Variants in HDGFL2 observed in about 807,000 individuals in gnomAD.
The protein encoded by HDGFL2 is hepatoma-derived growth factor-related protein 2.
HDGFL2 carries 36 observed loss-of-function variants against 77.1 expected under a neutral mutation model. That is an observed-to-expected ratio of 0.47 (90% CI 0.36 to 0.62). The LOEUF is 0.62. Ranked by LOEUF, HDGFL2 falls within the 20% of genes least tolerant of loss-of-function variation. HDGFL2 has a pLI of 0.00. For synonymous variants in HDGFL2, 463 were observed against 413.1 expected (o/e 1.12, Z -1.46); for missense variants, 976 against 973.4 (o/e 1.00, Z -0.04).
At chr19:4,494,573 A>G (rs1975651898) in intron 9 of HDGFL2, 98 bp downstream of exon 9, 1 of 931,542 alleles carries the variant, frequency 1.1e-6, no homozygotes, top group Non-Finnish European at 1.4e-6. Flanking sequence ...GGGACCCATC[A>G]AGAAAGCAGT....
intron 4 of HDGFL2, among the ~76,000 whole-genome samples, chr19:4,489,111 A>G (rs7260311): frequency 0.69 from 104,781 of 151,090 alleles, 36,774 homozygotes; most frequent in African/African-American, 0.77. Flanking sequence ...CTGCCACCGC[A>G]CTTGGCTAAT....
chr19:4,492,950 G>A (rs1975569557), intron 6 of HDGFL2, among the ~76,000 whole-genome samples: 1 of 127,994 alleles, frequency 7.8e-6, no homozygotes, highest in Non-Finnish European at 1.7e-5. Flanking sequence ...TGTGTGTGTG[G>A]TGCGTGTGAG....
At chr19:4,478,079 CAAAAA>C (rs1160351990) in intron 3 of HDGFL2, among the ~76,000 whole-genome samples, 1 of 78,604 alleles carries the variant, frequency 1.3e-5, no homozygotes, top group Non-Finnish European at 2.5e-5. Flanking sequence ...GACTCTGTCT[CAAAAA>C]AAAAAAAAAA....
At chr19:4,490,245 G>A (rs8109424) in intron 4 of HDGFL2, among the ~76,000 whole-genome samples, 11,998 of 152,144 alleles carry the variant, frequency 0.079, 532 homozygotes, top group African/African-American at 0.12. Flanking sequence ...CCGCTACCAC[G>A]TCCGGCTAAT....
At chr19:4,487,558 C>T (rs1380220668) in intron 3 of HDGFL2, among the ~76,000 whole-genome samples, 2 of 152,108 alleles carry the variant, frequency 1.3e-5, no homozygotes, top group East Asian at 1.9e-4. Flanking sequence ...GCCCTACTCC[C>T]CTCTGAATCC....
chr19:4,496,135 G>A (rs1389685625), intron 9 of HDGFL2, among the ~76,000 whole-genome samples, 167 bp from the exon 10 acceptor site: 1 of 152,124 alleles, frequency 6.6e-6, no homozygotes, highest in Admixed American at 6.6e-5. Flanking sequence ...ATCCACTCAG[G>A]ACCGGACACT....
intron 14 of HDGFL2, among the ~76,000 whole-genome samples, chr19:4,500,123 C>T (rs545624435): frequency 3.9e-5 from 6 of 152,252 alleles, no homozygotes; most frequent in African/African-American, 9.6e-5. Context: ...CCTGGTGGGC[C>T]GACAGGAGAT....
At chr19:4,496,635 C>T (rs1285101310) in intron 10 of HDGFL2, among the ~76,000 whole-genome samples, 4 of 152,144 alleles carry the variant, frequency 2.6e-5, no homozygotes, top group Admixed American at 6.5e-5. Flanking sequence ...TCCAGAGACA[C>T]GGCCACGTCC....
Position 4,494,392 on chromosome 19 carries a change from G to T in HDGFL2, c.1141G>T (p.Val381Phe). Residue 381 changes from valine (V) to phenylalanine (F), a missense_variant, in exon 9 of 16, where the codon GTC becomes TTC. By Grantham distance (50) the Val-to-Phe change is conservative. Transcript: ENST00000616600. ...CGAGCTCAGGGAGGACGATGAGCCC[G>T]TCAAGAAGCGGGGACGCAAGGGCCG... is the stretch of plus-strand genomic sequence containing the variant. ...GDELREDDEP[V>F]KKRGRKGRGR... is the part of the protein sequence containing the mutation. The T allele has an allele frequency of 7.1e-7, 1 of 1,404,146 alleles. No homozygotes were observed. The highest frequency in any genetic ancestry group is 9.2e-7 in the Non-Finnish European group (1 of 1,083,586). The allele number at this position is 1,404,146 out of a possible 1,614,324, so 87.0% of individuals were successfully genotyped here. A position where few individuals can be genotyped will look rare whatever the true frequency, so the allele number is the denominator to read the frequency against.
chr19:4,484,024 C>T (rs543144855), intron 3 of HDGFL2, among the ~76,000 whole-genome samples: 16 of 150,892 alleles, frequency 1.1e-4, no homozygotes, highest in South Asian at 2.1e-4. Flanking sequence ...CTCCTGACCT[C>T]GTGATCTGCC....
intron 11 of HDGFL2, 50 bp downstream of exon 11, chr19:4,498,081 C>T (rs993853902): frequency 1.0e-5 from 15 of 1,485,070 alleles, no homozygotes; most frequent in Admixed American, 4.0e-5. Flanking sequence ...CTGAGGGGAA[C>T]GGGGACAGCC....
intron 3 of HDGFL2, among the ~76,000 whole-genome samples, chr19:4,476,216 CAG>C (rs1039628202): frequency 1.8e-5 from 2 of 110,522 alleles, no homozygotes; most frequent in Non-Finnish European, 3.5e-5. Context: ...TTTTTTGAGA[CAG>C]AGTCTTGCTC....
At chr19:4,483,224 G>A (rs554213329) in intron 3 of HDGFL2, among the ~76,000 whole-genome samples, 2 of 152,160 alleles carry the variant, frequency 1.3e-5, no homozygotes, top group East Asian at 1.9e-4. Flanking sequence ...AAACGTGCTC[G>A]GGCCGAGCGG....
In HDGFL2 at chr19:4,475,357, T is replaced by C. The variant is rs1024023879; in HGVS notation, c.149+6T>C. 7.4e-6 allele frequency: 12 copies of C among 1,614,074 alleles called. No individual in the cohort carries two copies. Among genetic ancestry groups the C allele is most frequent in the East Asian group, 2.2e-5 (1 of 44,872 alleles). ...TTCTTTGGCACACACGAAACGTAAGTGTCCCCTTCTGGGGCTTGGTTTTCT... is the reference window on the plus strand; with the variant it reads ...TTCTTTGGCACACACGAAACGTAAGCGTCCCCTTCTGGGGCTTGGTTTTCT... On this transcript the variant is annotated splice_donor_region_variant and intron_variant, in intron 2 of 15. Coordinates refer to ENST00000616600, the MANE Select transcript of HDGFL2 (RefSeq NM_001001520.3).
chr19:4,501,351 G>A (rs878923743), intron 15 of HDGFL2, 34 bp downstream of exon 15: 3 of 1,553,064 alleles, frequency 1.9e-6, no homozygotes, highest in Non-Finnish European at 2.6e-6. Context: ...TTGGACTCCT[G>A]AGCGGCAGCG....
chr19:4,488,754 C>A lies in HDGFL2; in HGVS notation c.367C>A (p.Arg123=). Residue 123 remains arginine, a synonymous_variant, in exon 4 of 16, where the codon CGG becomes AGG. Transcript: ENST00000616600. ...GSDADEDDED[R]GVMAVTAVTA... is the part of the protein sequence containing the mutation. Reference sequence around the variant, plus strand: ...TGACGCTGACGAGGACGATGAGGACCGGGGGGTCATGGCCGTCACAGCGGT... The same window carrying A: ...TGACGCTGACGAGGACGATGAGGACAGGGGGGTCATGGCCGTCACAGCGGT... 1 of 1,553,082 alleles carries A rather than the reference C, an allele frequency of 6.4e-7. No homozygotes were observed. The highest frequency in any genetic ancestry group is 8.7e-7 in the Non-Finnish European group (1 of 1,147,998).
At chr19:4,475,730 G>A (rs1975055671) in intron 3 of HDGFL2, 147 bp downstream of exon 3, 5 of 1,031,918 alleles carry the variant, frequency 4.8e-6, no homozygotes, top group Non-Finnish European at 6.7e-6. Flanking sequence ...CAGGTGCTGA[G>A]CAGTGTCCCT....
chr19:4,498,061 A>G (rs370893055), intron 11 of HDGFL2, 30 bp downstream of exon 11: 4 of 1,524,922 alleles, frequency 2.6e-6, no homozygotes, highest in African/African-American at 1.4e-5. Context: ...CACTGCCCAC[A>G]CTGAGTTCAC....
chr19:4,484,666 ATTTTT>A (rs71168907), intron 3 of HDGFL2, among the ~76,000 whole-genome samples: 6,106 of 74,074 alleles, frequency 0.082, 234 homozygotes, highest in Middle Eastern at 0.11. Flanking sequence ...CGCCTGGCTA[ATTTTT>A]TTTTTTTTTT....
Sources: allele counts gnomAD v4.1 joint callset (sites outside exome capture counted in the v4.1 genomes callset), GRCh38; gene constraint gnomAD v4.1.1; transcripts MANE v1.5; gene names NCBI Gene and HGNC (gene_info 2026-07-23, HGNC 2026-07-21).